The following NCOR1 variants were observed in gnomAD, a reference collection of about 807,000 sequenced individuals.
NCOR1 encodes the protein nuclear receptor corepressor 1.
A neutral mutation model predicts 288.1 loss-of-function variants in NCOR1; 63 were observed. The ratio of observed to expected loss-of-function variants is 0.22; its 90% CI spans 0.18 to 0.27. NCOR1 has a LOEUF of 0.27. Among genes scored for constraint, NCOR1 ranks in the 10% least tolerant of loss-of-function variants. NCOR1 has a pLI of 1.00. For missense variants in NCOR1, 2,397 were observed against 3,019.2 expected (o/e 0.79, Z 4.83); for synonymous variants, 1,007 against 1,065.9 (o/e 0.94, Z 1.08).
rs558399862 is a variant in NCOR1, at chr17:16,144,704, A to C, written c.1083-1008T>G. Among the ~76,000 whole-genome samples the C allele has an allele frequency of 5.8e-4, 88 of 152,130 alleles. 1 individual carries two copies. Among genetic ancestry groups the C allele is most frequent in the African/African-American group, 2.0e-3 (85 of 41,500 alleles). On this transcript the variant is annotated intron_variant, in intron 10 of 45. Transcript: ENST00000268712. ...TTCTTCATGATCAGTTTCAAGAAAC[A>C]ATAGCTCTCCCTCTCCCTCTCTCTC...
intron 2 of NCOR1, among the ~76,000 whole-genome samples, chr17:16,186,936 A>G (rs1044466047): frequency 6.6e-6 from 1 of 152,182 alleles, no homozygotes; most frequent in Admixed American, 6.5e-5. Context: ...ACAAATTACA[A>G]TAACTCCCAA....
intron 40 of NCOR1, among the ~76,000 whole-genome samples, chr17:16,052,302 G>A (rs1435898559): frequency 6.6e-6 from 1 of 151,978 alleles, no homozygotes; most frequent in East Asian, 1.9e-4. Flanking sequence ...GGGATTAGAG[G>A]CATGAGCCAC....
At chr17:16,058,403 CAGAT>C in intron 38 of NCOR1, 64 bp downstream of exon 38, 1 of 1,576,050 alleles carries the variant, frequency 6.3e-7, no homozygotes, top group Non-Finnish European at 8.6e-7. Context: ...ATGGTCTAGA[CAGAT>C]AATTAGAAGC....
At chr17:16,108,439 AAAAT>A (rs1488212424) in intron 19 of NCOR1, among the ~76,000 whole-genome samples, 2 of 152,156 alleles carry the variant, frequency 1.3e-5, no homozygotes, top group African/African-American at 2.4e-5. Flanking sequence ...TAAAAATATG[AAAAT>A]AAATCAAACT....
At chr17:16,067,358 G>GA (rs1785082422) in intron 32 of NCOR1, among the ~76,000 whole-genome samples, 1 of 152,338 alleles carries the variant, frequency 6.6e-6, no homozygotes, top group South Asian at 2.1e-4. Context: ...TACAGAAGTT[G>GA]AATCAGGTGC....
intron 1 of NCOR1, among the ~76,000 whole-genome samples, chr17:16,203,336 G>GC: frequency 6.6e-6 from 1 of 152,144 alleles, no homozygotes; most frequent in South Asian, 2.1e-4. Flanking sequence ...TGCTCACTAG[G>GC]CCCCAGCAAC....
At position 16,039,004 on chromosome 17, in the gene NCOR1, T is replaced by C. The variant is rs370457849; in HGVS notation, c.6955+429A>G. 9.9e-5 allele frequency among the ~76,000 whole-genome samples: 15 copies of C among 152,222 alleles called. No individual in the cohort carries two copies. The East Asian group carries it at 2.5e-3, about 25-fold the overall frequency. ...CAGGATGGTCTCGATCTCTTGACCT[T>C]GTGATCCGCCCGCCTCCGCCCCCCA... On this transcript the variant is annotated intron_variant, in intron 44 of 45. Coordinates refer to ENST00000268712, the MANE Select transcript of NCOR1 (RefSeq NM_006311.4).
intron 4 of NCOR1, among the ~76,000 whole-genome samples, chr17:16,167,859 C>CAAAAAAAAAAAAAAAAAAAAAA (rs71299856): frequency 1.6e-5 from 1 of 62,642 alleles, no homozygotes; most frequent in Non-Finnish European, 2.9e-5. Context: ...GACTCCATCT[C>CAAAAAAAAAAAAAAAAAAAAAA]AAAAAAAAAA....
chr17:16,098,728 C>A, intron 20 of NCOR1: 1 of 270,094 alleles, frequency 3.7e-6, no homozygotes. Context: ...AGCGCACATA[C>A]TAAAATTGAA....
intron 21 of NCOR1, among the ~76,000 whole-genome samples, chr17:16,094,603 C>T (rs1052775802): frequency 1.3e-5 from 2 of 152,266 alleles, no homozygotes; most frequent in South Asian, 4.2e-4. Context: ...CATGGTCTCC[C>T]TCTCATGCCG....
intron 3 of NCOR1, among the ~76,000 whole-genome samples, chr17:16,176,968 G>A (rs993267392): frequency 6.6e-6 from 1 of 151,922 alleles, no homozygotes; most frequent in Middle Eastern, 3.2e-3. Context: ...TATTATTACT[G>A]TTCCTTTACC....
rs969904310 is a variant in NCOR1, at chr17:16,196,960, T to C, written c.-70-2321A>G. 2.6e-5 allele frequency among the ~76,000 whole-genome samples: 4 copies of C among 151,986 alleles called. No individual in the cohort carries two copies. In the East Asian group the frequency reaches 5.8e-4, roughly 22 times the overall value. ...TGAGCCCAGGAGGTCAAGACTGCAG[T>C]GAGCCGTGATTGTGCCACTGCACTC... is the stretch of plus-strand genomic sequence containing the variant. On this transcript the variant is annotated intron_variant, in intron 1 of 45. Transcript: ENST00000268712.
Position 16,146,516 on chromosome 17 carries a change from G to T in NCOR1, c.942C>A (p.Leu314=), listed in dbSNP as rs2078017881. 6.2e-7 allele frequency: 1 copy of T among 1,605,808 alleles called. No individual in the cohort carries two copies. Among genetic ancestry groups the T allele is most frequent in the Non-Finnish European group, 8.5e-7 (1 of 1,177,796 alleles). ...CCACTTTTTTCTCCCATGCCTCCATGAGCTGATCATAACGCTGGCAGATTT... is the reference window on the plus strand; with the variant it reads ...CCACTTTTTTCTCCCATGCCTCCATTAGCTGATCATAACGCTGGCAGATTT... ...EQKICQRYDQ[L]MEAWEKKVDR... Residue 314 remains leucine, a synonymous_variant, in exon 10 of 46, where the codon CTC becomes CTA. Coordinates refer to ENST00000268712, the MANE Select transcript of NCOR1 (RefSeq NM_006311.4).
At chr17:16,206,691 TG>T (rs1434764975) in intron 1 of NCOR1, among the ~76,000 whole-genome samples, 1 of 152,172 alleles carries the variant, frequency 6.6e-6, no homozygotes, top group Non-Finnish European at 1.5e-5. Context: ...TGGCAAATTA[TG>T]GTATCTTCAT....
intron 1 of NCOR1, among the ~76,000 whole-genome samples, chr17:16,212,528 G>C (rs768911203): frequency 6.6e-6 from 1 of 152,124 alleles, no homozygotes; most frequent in Non-Finnish European, 1.5e-5. Context: ...AGTATCTTAA[G>C]TAAAAGAACA....
In NCOR1 at chr17:16,041,503, T is replaced by C. The variant is rs191161015; in HGVS notation, c.6680-1009A>G. ...ATCTAGGCTCACTGCAACCTCTGCC[T>C]CCTGGGTTCAAGCAGTTCTCCTGCC... On this transcript the variant is annotated intron_variant, in intron 42 of 45. Transcript: ENST00000268712. Among the ~76,000 whole-genome samples the C allele has an allele frequency of 9.9e-4, 140 of 141,960 alleles. 1 individual carries two copies. In the South Asian group the frequency reaches 0.018, roughly 18 times the overall value. 93.1% of individuals were successfully genotyped at this position (141,960 alleles called of 152,430 possible). A position where few individuals can be genotyped will look rare whatever the true frequency, so the allele number is the denominator to read the frequency against.
intron 1 of NCOR1, among the ~76,000 whole-genome samples, chr17:16,213,489 C>CAAAAAAAAAAAAAAAAAAA (rs537795184): frequency 2.6e-5 from 2 of 78,136 alleles, no homozygotes; most frequent in African/African-American, 4.2e-5. Flanking sequence ...AAGACTGTCT[C>CAAAAAAAAAAAAAAAAAAA]AAAAAAAAAA....
At chr17:16,121,027 G>A (rs1313988017) in intron 16 of NCOR1, 25 bp downstream of exon 16, 3 of 1,601,382 alleles carry the variant, frequency 1.9e-6, no homozygotes, top group Non-Finnish European at 2.6e-6. Flanking sequence ...ATTATGGCCT[G>A]TTTATGCCAA....
chr17:16,183,074 A>G (rs1400314731), intron 3 of NCOR1, among the ~76,000 whole-genome samples: 2 of 151,900 alleles, frequency 1.3e-5, no homozygotes, highest in African/African-American at 2.4e-5. Context: ...CACAACTAAC[A>G]TCATAATCAA....
Sources: allele counts gnomAD v4.1 joint callset (sites outside exome capture counted in the v4.1 genomes callset), GRCh38; gene constraint gnomAD v4.1.1; transcripts MANE v1.5; gene names NCBI Gene and HGNC (gene_info 2026-07-23, HGNC 2026-07-21).